DHX9: variants seen among roughly 807,000 people sequenced by gnomAD.
DHX9 encodes DExH-box helicase 9, also known as ATP-dependent RNA helicase A.
In DHX9, 27 loss-of-function variants were observed where a neutral mutation model predicts 148.7. The observed-to-expected ratio is 0.18, with a 90% CI of 0.13 to 0.25. DHX9 has a LOEUF of 0.25. Ranked by LOEUF, DHX9 falls within the 10% of genes least tolerant of loss-of-function variation. The pLI, the probability that DHX9 is intolerant of heterozygous loss-of-function variation, is 1.00. For missense variants in DHX9, 796 were observed against 1,559.6 expected, an observed-to-expected ratio of 0.51 and a Z score of 8.25; for synonymous variants, 529 against 516.6, an observed-to-expected ratio of 1.02 and a Z score of -0.33.
At chr1:182,868,994 T>TG (rs1270488317) in intron 14 of DHX9, among the ~76,000 whole-genome samples, 1 of 152,196 alleles carries the variant, frequency 6.6e-6, no homozygotes, top group East Asian at 1.9e-4. Flanking sequence ...AATTGACAAA[T>TG]GTTTTGATAT....
chr1:182,876,313 T>C (rs1309953496), intron 17 of DHX9, 50 bp downstream of exon 17: 5 of 1,596,142 alleles, frequency 3.1e-6, no homozygotes, highest in Non-Finnish European at 4.3e-6. Context: ...TGAATGTTTT[T>C]GCTAGTGCCT....
intron 3 of DHX9, among the ~76,000 whole-genome samples, chr1:182,851,190 A>G (rs779515721): frequency 4.6e-5 from 7 of 152,228 alleles, no homozygotes; most frequent in Non-Finnish European, 8.8e-5. Context: ...GAAAGCAGAA[A>G]AGAAAAAAAT....
At chr1:182,872,986 C>G (rs1250625486) in intron 15 of DHX9, among the ~76,000 whole-genome samples, 1 of 152,166 alleles carries the variant, frequency 6.6e-6, no homozygotes, top group East Asian at 1.9e-4. Flanking sequence ...CAAGGTCTCA[C>G]TCTGTCACCC....
At chr1:182,876,786 C>G in intron 18 of DHX9, 44 bp from the exon 19 acceptor site, 1 of 1,438,996 alleles carries the variant, frequency 6.9e-7, no homozygotes, top group South Asian at 1.2e-5. Context: ...TTTTAAGTAA[C>G]TAATAAGAAT....
At chr1:182,859,481 T>C (rs756198909) in intron 11 of DHX9, among the ~76,000 whole-genome samples, 3 of 152,236 alleles carry the variant, frequency 2.0e-5, no homozygotes, top group Non-Finnish European at 4.4e-5. Context: ...AAAGATACAT[T>C]CTTCAGAAGT....
intron 14 of DHX9, 83 bp downstream of exon 14, chr1:182,867,126 C>T (rs566698700): frequency 7.1e-4 from 595 of 842,868 alleles, no homozygotes; most frequent in Non-Finnish European, 7.9e-4. Context: ...TTTTCCCTTT[C>T]CCCCGTTTTT....
chr1:182,861,731 CTG>C (rs1366057937), intron 12 of DHX9, among the ~76,000 whole-genome samples: 1 of 152,200 alleles, frequency 6.6e-6, no homozygotes, highest in Non-Finnish European at 1.5e-5. Flanking sequence ...ATTAGCAAAC[CTG>C]TGTCTTCTGA....
At chr1:182,883,416 A>C (rs1649176007) in intron 25 of DHX9, 48 bp downstream of exon 25, 1 of 1,586,660 alleles carries the variant, frequency 6.3e-7, no homozygotes, top group Non-Finnish European at 8.7e-7. Context: ...AATTGTCTTT[A>C]CAATCATTAG....
chr1:182,854,453 G>A (rs1486663724), intron 6 of DHX9, among the ~76,000 whole-genome samples: 1 of 152,200 alleles, frequency 6.6e-6, no homozygotes, highest in African/African-American at 2.4e-5. Flanking sequence ...AAAGGCAAAA[G>A]TCATGACCAC....
intron 14 of DHX9, among the ~76,000 whole-genome samples, chr1:182,869,318 A>G (rs1215617140): frequency 2.6e-5 from 4 of 151,486 alleles, no homozygotes; most frequent in African/African-American, 9.7e-5. Flanking sequence ...GGTCCTGACC[A>G]GTCTTATCTG....
intron 7 of DHX9, among the ~76,000 whole-genome samples, chr1:182,857,430 T>C (rs944434220): frequency 6.6e-6 from 1 of 152,232 alleles, no homozygotes; most frequent in African/African-American, 2.4e-5. Flanking sequence ...ACTATAGCCC[T>C]CTGGCCAGAT....
intron 14 of DHX9, among the ~76,000 whole-genome samples, chr1:182,868,520 C>CTTTTTGTTTTTTTTTT (rs1648401063): frequency 7.8e-6 from 1 of 127,522 alleles, no homozygotes; most frequent in Non-Finnish European, 1.6e-5. Context: ...ATTTTAATTC[C>CTTTTTGTTTTTTTTTT]TTTTTTTTTT....
intron 16 of DHX9, 74 bp from the exon 17 acceptor site, chr1:182,875,976 C>G (rs1245019772): frequency 1.2e-5 from 14 of 1,141,576 alleles, no homozygotes; most frequent in Non-Finnish European, 1.8e-5. Flanking sequence ...ATTAGAGTCA[C>G]TAGAAGAAAT....
chr1:182,853,255 G>A, intron 4 of DHX9, 51 bp from the exon 5 acceptor site: 3 of 1,289,404 alleles, frequency 2.3e-6, no homozygotes, highest in Non-Finnish European at 2.2e-6. Context: ...AATGTATTTA[G>A]GATTTTTCTA....
intron 12 of DHX9, among the ~76,000 whole-genome samples, chr1:182,863,839 C>G (rs746052340): frequency 6.6e-6 from 1 of 151,660 alleles, no homozygotes; most frequent in Non-Finnish European, 1.5e-5. Context: ...GTAATACATA[C>G]ACCTTGGGGA....
rs752638863 is a variant in DHX9, at chr1:182,887,146, G to A, written c.3525G>A (p.Arg1175=). 1.2e-6 allele frequency: 2 copies of A among 1,614,214 alleles called. No homozygotes were observed. The highest frequency in any genetic ancestry group is 1.1e-5 in the South Asian group (1 of 91,086). ...ARYDNGSGYR[R]GGSSYSGGGY... ...ACGACAATGGAAGCGGATATAGAAG[G>A]GGAGGTTCTAGTTACAGTGGTGGAG... Residue 1175 remains arginine, a synonymous_variant, in exon 28 of 28, where the codon AGG becomes AGA. Coordinates refer to ENST00000367549, the MANE Select transcript of DHX9 (RefSeq NM_001357.5).
At position 182,871,820 on chromosome 1, in the gene DHX9, A is replaced by G. The variant is rs377351077; in HGVS notation, c.1558-517A>G. Among the ~76,000 whole-genome samples, 3 of 152,312 alleles carry G rather than the reference A, an allele frequency of 2.0e-5. No individual in the cohort carries two copies. In the East Asian group the frequency reaches 5.8e-4, roughly 29 times the overall value. ...TAAAATTTAAAAATATAGTCGGCCG[A>G]GGCGGGTGGATCACTTGAGGCCAGG... On this transcript the variant is annotated intron_variant, in intron 14 of 27. Transcript: ENST00000367549.
chr1:182,851,388 T>C (rs1054566521), intron 3 of DHX9, among the ~76,000 whole-genome samples: 8 of 152,180 alleles, frequency 5.3e-5, no homozygotes, highest in African/African-American at 1.7e-4. Context: ...GGCAAAACTC[T>C]GGAGTGGTCA....
intron 7 of DHX9, among the ~76,000 whole-genome samples, 177 bp from the exon 8 acceptor site, chr1:182,857,927 C>T (rs756036208): frequency 1.3e-5 from 2 of 152,142 alleles, no homozygotes; most frequent in Non-Finnish European, 2.9e-5. Flanking sequence ...AGTTGATAAG[C>T]TGTTTGGCAA....
Sources: allele counts gnomAD v4.1 joint callset (sites outside exome capture counted in the v4.1 genomes callset), GRCh38; gene constraint gnomAD v4.1.1; transcripts MANE v1.5; gene names NCBI Gene and HGNC (gene_info 2026-07-23, HGNC 2026-07-21).